CILK1: variants seen among roughly 807,000 people sequenced by gnomAD.
CILK1 encodes ciliogenesis associated kinase 1.
In CILK1, 47 loss-of-function variants were observed where a neutral mutation model predicts 79.2. The ratio of observed to expected loss-of-function variants is 0.59; its 90% CI spans 0.47 to 0.76. CILK1 has a LOEUF of 0.76. Ranked by LOEUF, CILK1 falls within the 30% of genes least tolerant of loss-of-function variation. The pLI is 0.00. For missense variants in CILK1, 660 were observed against 769.5 expected (o/e 0.86, Z 1.68); for synonymous variants, 266 against 275.9 (o/e 0.96, Z 0.36).
At chr6:53,044,937 G>A (rs1009421023) in intron 1 of CILK1, among the ~76,000 whole-genome samples, 1 of 152,196 alleles carries the variant, frequency 6.6e-6, no homozygotes, top group African/African-American at 2.4e-5. Context: ...AAGACACCCA[G>A]TCTATGTTAC....
intron 1 of CILK1, among the ~76,000 whole-genome samples, chr6:53,041,632 A>T (rs758970934): frequency 2.8e-4 from 42 of 152,210 alleles, no homozygotes; most frequent in Non-Finnish European, 7.3e-5. Flanking sequence ...TATAATGTTG[A>T]TGAGGGACAA....
At chr6:53,057,236 T>C (rs189864527) in intron 1 of CILK1, among the ~76,000 whole-genome samples, 41 of 148,686 alleles carry the variant, frequency 2.8e-4, no homozygotes, top group African/African-American at 9.6e-4. Context: ...AGCAGTCACA[T>C]GTTATCAATA....
At position 53,055,257 on chromosome 6, in the gene CILK1, G is replaced by A. The variant is rs943898760; in HGVS notation, c.-173+6339C>T. On this transcript the variant is annotated intron_variant, in intron 1 of 13. Coordinates refer to ENST00000676107, the MANE Select transcript of CILK1 (RefSeq NM_014920.5). The stretch of plus-strand genomic sequence containing the variant: ...CTTTACAGGTTTATAATTAGACTTC[G>A]TATTCTAGGTTTGAATGTGTCCTAA... 7.9e-5 allele frequency among the ~76,000 whole-genome samples: 12 copies of A among 152,280 alleles called. No homozygotes were observed. In the East Asian group the frequency reaches 9.6e-4, roughly 12 times the overall value.
Position 53,016,151 on chromosome 6 carries a change from T to A in CILK1, c.763A>T (p.Ser255Cys). The part of the protein sequence containing the change: ...NLKTLIPNAS[S>C]EAVQLLRDML... Reference sequence around the variant, plus strand: ...TCTCTCAGGAGCTGGACTGCTTCACTGCTAGCATTGGGAATCAAGGTCTTT... The same window carrying A: ...TCTCTCAGGAGCTGGACTGCTTCACAGCTAGCATTGGGAATCAAGGTCTTT... The change falls in exon 8 of 14, where the codon AGT (serine) becomes TGT (cysteine). Residue 255 changes from serine (S) to cysteine (C), a missense_variant. Physicochemically the swap from Ser to Cys is moderately radical, Grantham distance 112 (BLOSUM62 -1). Transcript: ENST00000676107. 6.2e-7 allele frequency: 1 copy of A among 1,614,152 alleles called. No homozygotes were observed.
intron 1 of CILK1, among the ~76,000 whole-genome samples, chr6:53,048,675 A>G (rs201519916): frequency 6.6e-6 from 1 of 152,280 alleles, no homozygotes; most frequent in South Asian, 2.1e-4. Flanking sequence ...AAAAGAAGGG[A>G]CCATGGTAGG....
chr6:53,018,866 T>G (rs551170728), intron 6 of CILK1, among the ~76,000 whole-genome samples: 16 of 152,338 alleles, frequency 1.1e-4, no homozygotes, highest in African/African-American at 3.1e-4. Context: ...TACTTGGTCA[T>G]GGCAAACTGC....
At chr6:53,050,115 G>C (rs1767374898) in intron 1 of CILK1, among the ~76,000 whole-genome samples, 1 of 152,014 alleles carries the variant, frequency 6.6e-6, no homozygotes, top group Non-Finnish European at 1.5e-5. Context: ...TACTTAATGG[G>C]AGACATCTAC....
chr6:53,048,981 G>C (rs1767294578), intron 1 of CILK1, among the ~76,000 whole-genome samples: 1 of 152,218 alleles, frequency 6.6e-6, no homozygotes, highest in South Asian at 2.1e-4. Flanking sequence ...GAACATGGCT[G>C]TGTAAAGTGT....
chr6:53,017,232 G>A (rs1220661841), intron 7 of CILK1, among the ~76,000 whole-genome samples: 1 of 152,306 alleles, frequency 6.6e-6, no homozygotes, highest in East Asian at 1.9e-4. Flanking sequence ...GATCTAGTTT[G>A]CACCAGCAAT....
chr6:53,022,235 G>C (rs1214143549), intron 5 of CILK1, among the ~76,000 whole-genome samples: 1 of 152,108 alleles, frequency 6.6e-6, no homozygotes, highest in Non-Finnish European at 1.5e-5. Context: ...TGTATCCTTG[G>C]TGTACAGTGT....
intron 12 of CILK1, among the ~76,000 whole-genome samples, chr6:53,008,196 T>C (rs1764348492): frequency 6.6e-6 from 1 of 151,294 alleles, no homozygotes; most frequent in South Asian, 2.1e-4. Context: ...GTATATGTTA[T>C]ATAATATATG....
chr6:53,006,516 A>G, intron 12 of CILK1, 79 bp from the exon 13 acceptor site: 1 of 1,504,318 alleles, frequency 6.6e-7, no homozygotes, highest in South Asian at 1.1e-5. Context: ...ACAGCACTGC[A>G]GAGCAATAAC....
chr6:53,043,520 C>A (rs921559990), intron 1 of CILK1, among the ~76,000 whole-genome samples: 1 of 152,066 alleles, frequency 6.6e-6, no homozygotes, highest in African/African-American at 2.4e-5. Flanking sequence ...TCCCCTAGAA[C>A]CACTGTAAGG....
rs771886690 is a variant in CILK1 at position 53,031,053 on chromosome 6, C to T, written c.358+12G>A. ...ACTGCTCTTCAAAAGCACAACACTC[C>T]GAATCACCTACCGTGTTTGTGAATA... On this transcript the variant is annotated intron_variant, in intron 5 of 13. Coordinates refer to ENST00000676107, the MANE Select transcript of CILK1 (RefSeq NM_014920.5). 95 of 1,551,166 alleles carry T rather than the reference C, an allele frequency of 6.1e-5. No homozygotes were observed. The highest frequency in any genetic ancestry group is 1.1e-4 in the East Asian group (5 of 44,550).
At chr6:53,047,285 T>C (rs1767145780) in intron 1 of CILK1, among the ~76,000 whole-genome samples, 2 of 152,004 alleles carry the variant, frequency 1.3e-5, no homozygotes, top group African/African-American at 2.4e-5. Flanking sequence ...ATGTGTGTCA[T>C]GCAGGAGTTT....
In CILK1 at chr6:53,053,064, A is replaced by AC. The variant is rs397703468; in HGVS notation, c.-173+8531_-173+8532insG. On this transcript the variant is annotated intron_variant, in intron 1 of 13. Coordinates refer to ENST00000676107, the MANE Select transcript of CILK1 (RefSeq NM_014920.5). ...AAAGTAAAAGCCTGAAAAAAAAAAA[A>AC]ACCTTATACTTAAAGAAAAATTGGA... Among the ~76,000 whole-genome samples the AC allele has an allele frequency of 3.7e-4, 56 of 151,846 alleles. 2 individuals carry two copies. In the East Asian group the frequency reaches 0.01, roughly 28 times the overall value.
chr6:53,008,532 A>G (rs1764375083), intron 12 of CILK1, among the ~76,000 whole-genome samples: 4 of 151,626 alleles, frequency 2.6e-5, no homozygotes, highest in African/African-American at 9.7e-5. Flanking sequence ...TTCAAGTGAT[A>G]TCCTGCCTCA....
At chr6:53,010,907 C>T (rs542835407) in intron 11 of CILK1, among the ~76,000 whole-genome samples, 5 of 152,236 alleles carry the variant, frequency 3.3e-5, no homozygotes, top group Non-Finnish European at 7.3e-5. Flanking sequence ...GTGTAGACTA[C>T]AGTGTGAAGG....
At chr6:53,059,548 AGGGAG>A (rs1366692247) in intron 1 of CILK1, among the ~76,000 whole-genome samples, 32 of 152,226 alleles carry the variant, frequency 2.1e-4, no homozygotes, top group Admixed American at 2.1e-3. Context: ...AGTAAAGAGA[AGGGAG>A]GTAGTTTCTA....
Sources: gnomAD v4.1 joint callset for allele counts (sites outside exome capture counted in the v4.1 genomes callset) on GRCh38, gnomAD v4.1.1 for gene constraint, MANE v1.5 for transcripts, NCBI Gene and HGNC (gene_info 2026-07-23, HGNC 2026-07-21) for gene names.